Variants in SMPD3 observed in about 807,000 individuals in gnomAD.
The protein encoded by SMPD3 is sphingomyelin phosphodiesterase 3, also known as nSMase-2.
SMPD3 carries 21 observed loss-of-function variants against 55.7 expected under a neutral mutation model. That is an observed-to-expected ratio of 0.38 (90% CI 0.27 to 0.54). The LOEUF (loss-of-function observed/expected upper bound fraction) is 0.54. Among genes scored for constraint, SMPD3 ranks in the 20% least tolerant of loss-of-function variants. SMPD3 has a pLI of 0.80. For missense variants in SMPD3, 842 were observed against 899.6 expected (o/e 0.94, Z 0.82); for synonymous variants, 457 against 404.3 (o/e 1.13, Z -1.56).
chr16:68,398,444 C>T (rs1033419237), intron 1 of SMPD3, among the ~76,000 whole-genome samples: 1 of 152,196 alleles, frequency 6.6e-6, no homozygotes, highest in Admixed American at 6.5e-5. Context: ...CCTGACACTA[C>T]CTCTTTGAGC....
At chr16:68,373,921 C>T (rs779374750) in intron 2 of SMPD3, among the ~76,000 whole-genome samples, 3 of 149,300 alleles carry the variant, frequency 2.0e-5, no homozygotes, top group Non-Finnish European at 4.4e-5. Context: ...CTCGCTCACC[C>T]TTTCTAAGAC....
At chr16:68,402,217 C>T (rs2090213955) in intron 1 of SMPD3, among the ~76,000 whole-genome samples, 1 of 152,088 alleles carries the variant, frequency 6.6e-6, no homozygotes, top group Admixed American at 6.5e-5. Context: ...CTGATTGAAC[C>T]CTGAGTGATA....
chr16:68,394,090 T>C (rs183497955), intron 1 of SMPD3, among the ~76,000 whole-genome samples: 1 of 152,354 alleles, frequency 6.6e-6, no homozygotes, highest in African/African-American at 2.4e-5. Flanking sequence ...GAGTTGAATT[T>C]GAAAGGCACA....
Position 68,424,340 on chromosome 16 carries a change from T to C in SMPD3, c.-269+24013A>G, listed in dbSNP as rs770487728. 1.3e-4 allele frequency among the ~76,000 whole-genome samples: 20 copies of C among 151,950 alleles called. No homozygotes were observed. The South Asian group carries it at 2.1e-3, about 16-fold the overall frequency. On this transcript the variant is annotated intron_variant, in intron 1 of 8. Coordinates refer to ENST00000219334, the MANE Select transcript of SMPD3 (RefSeq NM_018667.4). ...GCCTTCTTCACTTGCCCCTCCACAA[T>C]GGGGCTGCAGGGGCCGTAGGGGGAA...
intron 1 of SMPD3, among the ~76,000 whole-genome samples, chr16:68,438,479 A>C (rs1431169349): frequency 2.6e-5 from 4 of 152,206 alleles, no homozygotes; most frequent in African/African-American, 9.7e-5. Context: ...ATTCAGTGAG[A>C]TGCCTCAAAC....
intron 1 of SMPD3, among the ~76,000 whole-genome samples, chr16:68,428,757 G>A (rs910958104): frequency 3.3e-5 from 5 of 152,210 alleles, no homozygotes; most frequent in African/African-American, 1.2e-4. Flanking sequence ...GTCGATACCT[G>A]AACTAGGGGC....
intron 3 of SMPD3, 47 bp from the exon 4 acceptor site, chr16:68,365,139 C>A (rs750155895): frequency 6.3e-7 from 1 of 1,596,742 alleles, no homozygotes; most frequent in African/African-American, 1.3e-5. Flanking sequence ...TCACTGTGGC[C>A]CTGAGAGCAC....
intron 1 of SMPD3, among the ~76,000 whole-genome samples, chr16:68,391,343 CATTA>C (rs1162846748): frequency 1.3e-5 from 2 of 152,146 alleles, no homozygotes; most frequent in Admixed American, 6.5e-5. Flanking sequence ...ATCTGCCAGT[CATTA>C]ATTGTTGTGT....
intron 7 of SMPD3, among the ~76,000 whole-genome samples, chr16:68,363,167 C>G (rs1425687893): frequency 1.0e-5 from 1 of 97,660 alleles, no homozygotes; most frequent in Non-Finnish European, 1.9e-5. Context: ...GGGGGTCGAC[C>G]TGTGGCCTGG....
rs1456816764 is a variant in SMPD3 at position 68,359,114 on chromosome 16, T to C, written c.*2092A>G. On this transcript the variant is annotated 3_prime_UTR_variant, in exon 9 of 9. Coordinates refer to ENST00000219334, the MANE Select transcript of SMPD3 (RefSeq NM_018667.4). The stretch of plus-strand genomic sequence containing the variant: ...GCTGCCCCGGGAGGGGGTGCCTGGG[T>C]GGGGAAGCTATGTTGGGGTCTGGTG... 6.6e-6 allele frequency: 1 copy of C among 152,296 alleles called. No homozygotes were observed. Among genetic ancestry groups the C allele is most frequent in the African/African-American group, 2.4e-5 (1 of 41,362 alleles). The allele number at this position is 152,296 out of a possible 1,614,324, so 9.4% of individuals were successfully genotyped here. A position where few individuals can be genotyped will look rare whatever the true frequency, so the allele number is the denominator to read the frequency against.
rs766200392 is a variant in SMPD3, at chr16:68,371,405, G to A, written c.777C>T (p.Asp259=). The change falls in exon 3 of 9, where the codon GAC becomes GAT. Residue 259 remains aspartate (D), a synonymous_variant. Transcript: ENST00000219334. ...GEEGGRPPEA[D]DPVPGGQARN... The stretch of plus-strand genomic sequence containing the variant: ...TGGCCTGGCCCCCAGGCACAGGGTC[G>A]TCAGCTTCAGGTGGCCGGCCGCCCT... 1.8e-5 allele frequency: 28 copies of A among 1,568,408 alleles called. No homozygotes were observed. Among genetic ancestry groups the A allele is most frequent in the South Asian group, 5.8e-5 (5 of 86,206 alleles).
chr16:68,384,595 GT>G (rs1425946163), intron 2 of SMPD3, among the ~76,000 whole-genome samples: 1 of 152,170 alleles, frequency 6.6e-6, no homozygotes, highest in East Asian at 1.9e-4. Flanking sequence ...GACTCTGTGG[GT>G]TGTCTCTGCA....
At chr16:68,416,823 C>T (rs952117628) in intron 1 of SMPD3, among the ~76,000 whole-genome samples, 1 of 151,852 alleles carries the variant, frequency 6.6e-6, no homozygotes, top group Admixed American at 6.6e-5. Context: ...TGCTATATTC[C>T]AGGGGCAACT....
In SMPD3 at chr16:68,372,245, T is replaced by C. The variant is rs931583738; in HGVS notation, c.-64A>G. ...GTGTCCGTGGCAGCTGCGGGCACTT[T>C]CCTGGGCGAGGGTGGGCGAGTTGGG... On this transcript the variant is annotated 5_prime_UTR_variant, in exon 3 of 9. Transcript: ENST00000219334. 3.2e-6 allele frequency: 5 copies of C among 1,575,246 alleles called. No homozygotes were observed. The highest frequency in any genetic ancestry group is 1.3e-5 in the African/African-American group (1 of 74,546).
intron 1 of SMPD3, among the ~76,000 whole-genome samples, chr16:68,437,130 G>A (rs1179242490): frequency 6.6e-6 from 1 of 152,160 alleles, no homozygotes; most frequent in African/African-American, 2.4e-5. Context: ...CTGAGGACAG[G>A]GACTGTATCT....
At chr16:68,429,051 T>C (rs1486060985) in intron 1 of SMPD3, among the ~76,000 whole-genome samples, 1 of 152,186 alleles carries the variant, frequency 6.6e-6, no homozygotes, top group African/African-American at 2.4e-5. Context: ...TTGGGTGCCA[T>C]AGACAGGGCA....
At chr16:68,363,376 T>G in intron 7 of SMPD3, 120 bp downstream of exon 7, 1 of 1,113,510 alleles carries the variant, frequency 9.0e-7, no homozygotes, top group Non-Finnish European at 1.3e-6. Flanking sequence ...GGGACAGGTT[T>G]CTGCCAAATA....
At chr16:68,398,164 A>C (rs1041130436) in intron 1 of SMPD3, among the ~76,000 whole-genome samples, 2 of 152,124 alleles carry the variant, frequency 1.3e-5, no homozygotes, top group East Asian at 1.9e-4. Flanking sequence ...AGGCAGAGGG[A>C]AAAAGGGGGT....
intron 1 of SMPD3, among the ~76,000 whole-genome samples, chr16:68,402,645 A>G (rs1280919374): frequency 6.6e-6 from 1 of 152,150 alleles, no homozygotes; most frequent in Non-Finnish European, 1.5e-5. Context: ...GATGACCAAC[A>G]GCGACCCCAG....
Sources: gnomAD v4.1 joint callset for allele counts (sites outside exome capture counted in the v4.1 genomes callset) on GRCh38, gnomAD v4.1.1 for gene constraint, MANE v1.5 for transcripts, NCBI Gene and HGNC (gene_info 2026-07-23, HGNC 2026-07-21) for gene names.